The following GALK1 variants were observed in gnomAD, a reference collection of about 807,000 sequenced individuals.
GALK1 encodes galactokinase.
Under a neutral mutation model 38.6 loss-of-function variants are expected in GALK1, and 30 were observed. The observed-to-expected ratio is 0.78, with a 90% confidence interval of 0.58 to 1.05. The LOEUF is 1.05. Among genes scored for constraint, GALK1 ranks in the 50% least tolerant of loss-of-function variants. GALK1 has a pLI of 0.00. For missense variants in GALK1, 512 were observed against 540.5 expected, an observed-to-expected ratio of 0.95 and a Z score of 0.52; for synonymous variants, 240 against 233.6, an observed-to-expected ratio of 1.03 and a Z score of -0.25.
downstream of GALK1, chr17:75,756,876 G>C (rs763409306): frequency 6.2e-7 from 1 of 1,612,290 alleles, no homozygotes; most frequent in Middle Eastern, 1.8e-4. Flanking sequence ...CCCACCCCGG[G>C]GGCAGGAGTG....
chr17:75,757,869 AG>A, downstream of GALK1: 1 of 709,604 alleles, frequency 1.4e-6, no homozygotes, highest in Non-Finnish European at 2.4e-6. Context: ...CCCCTAGGGT[AG>A]GGGAGCGGTT....
Position 75,765,032 on chromosome 17 carries a change from C to A in GALK1, c.105G>T (p.Pro35=). The change falls in exon 1 of 8, where the codon CCG becomes CCT. Residue 35 remains proline, a synonymous_variant. Coordinates refer to ENST00000588479, the MANE Select transcript of GALK1 (RefSeq NM_000154.2). ...GAEPELAVSA[P]GRVNLIGEHT... ...GTTCCCCGATGAGGTTGACGCGGCCCGGCGCTGACACGGCCAGCTCGGGCT... is the reference window on the plus strand; with the variant it reads ...GTTCCCCGATGAGGTTGACGCGGCCAGGCGCTGACACGGCCAGCTCGGGCT... The A allele has an allele frequency of 6.2e-7, 1 of 1,609,784 alleles. No individual in the cohort carries two copies.
Position 75,758,391 on chromosome 17 carries a change from A to G in GALK1, c.945-19T>C. The G allele has an allele frequency of 1.3e-6, 2 of 1,583,662 alleles. No individual in the cohort carries two copies. The highest frequency in any genetic ancestry group is 2.3e-5 in the East Asian group (1 of 43,688). ...GTCGTCTCTGCAGAGAGGATATTGA[A>G]GGGGTGGGCCTGGGCCGGCCTGTGC... On this transcript the variant is annotated intron_variant, in intron 6 of 7. Coordinates refer to ENST00000588479, the MANE Select transcript of GALK1 (RefSeq NM_000154.2).
downstream of GALK1, chr17:75,756,982 A>G: frequency 1.2e-6 from 2 of 1,612,808 alleles, no homozygotes; most frequent in Non-Finnish European, 1.7e-6. Context: ...GACAGCCCCG[A>G]GAGCCGGCTG....
At position 75,752,245 on chromosome 17, in the gene GALK1, C is replaced by T. The variant is rs200409597; in HGVS notation, c.*23-508G>A. ...CCGGATGCTGCTTATTGAGAACCTT[C>T]GGGAGTCCCAGCCCTACCGCTACAC... On this transcript the variant is annotated intron_variant, in intron 8 of 8. Coordinates refer to the GALK1 transcript ENST00000225614. The T allele has an allele frequency of 1.9e-6, 3 of 1,613,676 alleles. No individual in the cohort carries two copies. Among genetic ancestry groups the T allele is most frequent in the Non-Finnish European group, 2.5e-6 (3 of 1,180,020 alleles).
downstream of GALK1, among the ~76,000 whole-genome samples, chr17:75,754,136 AG>A (rs1388424649): frequency 6.6e-6 from 1 of 152,112 alleles, no homozygotes; most frequent in Admixed American, 6.5e-5. Flanking sequence ...GCCCAGTGCC[AG>A]GGGACGCGTG....
intron 8 of GALK1, chr17:75,752,597 C>T (rs1036727526): frequency 6.2e-7 from 1 of 1,613,088 alleles, no homozygotes; most frequent in Non-Finnish European, 8.5e-7. Flanking sequence ...GACCTGGGAC[C>T]CACAAGAGGA....
downstream of GALK1, chr17:75,755,140 G>T: frequency 6.2e-7 from 1 of 1,611,678 alleles, no homozygotes; most frequent in East Asian, 2.2e-5. Context: ...AGATGAAAGG[G>T]TTCCCCCCTT....
Position 75,763,973 on chromosome 17 carries a change from G to A in GALK1, c.279C>T (p.Pro93=). The change falls in exon 2 of 8, where the codon CCC becomes CCT. Residue 93 remains proline (P), a synonymous_variant. Transcript: ENST00000588479. Reference sequence around the variant, plus strand: ...CAGGCTCCAGCGAGCGCTGGGCTGTGGGCAGTGGAAACTGCAGCCGCTGGG... The same window carrying A: ...CAGGCTCCAGCGAGCGCTGGGCTGTAGGCAGTGGAAACTGCAGCCGCTGGG... ...DEPQRLQFPL[P]TAQRSLEPGT... 1 of 1,613,024 alleles carries A rather than the reference G, an allele frequency of 6.2e-7. No individual in the cohort carries two copies. Among genetic ancestry groups the A allele is most frequent in the Non-Finnish European group, 8.5e-7 (1 of 1,179,892 alleles).
At chr17:75,752,009 C>T (rs577529944) in intron 8 of GALK1, among the ~76,000 whole-genome samples, 3 of 152,326 alleles carry the variant, frequency 2.0e-5, no homozygotes, top group East Asian at 1.9e-4. Context: ...GTCATGCTGA[C>T]GCTCAGGGCT....
chr17:75,762,582 G>C, intron 5 of GALK1, 122 bp downstream of exon 5: 3 of 1,047,094 alleles, frequency 2.9e-6, no homozygotes, highest in Non-Finnish European at 4.4e-6. Context: ...GTGTTTGAAG[G>C]GACTGGGGAG....
downstream of GALK1, among the ~76,000 whole-genome samples, chr17:75,753,327 C>A (rs549018426): frequency 2.3e-3 from 350 of 152,330 alleles, 2 homozygotes; most frequent in Non-Finnish European, 3.1e-3. Flanking sequence ...CCCAGCTCAG[C>A]TGCTTCTAAC....
At chr17:75,763,772 G>A in intron 2 of GALK1, 125 bp downstream of exon 2, 1 of 1,015,574 alleles carries the variant, frequency 9.8e-7, no homozygotes, top group Non-Finnish European at 1.5e-6. Context: ...TTCCTCATCT[G>A]TACAATGGGA....
downstream of GALK1, chr17:75,756,700 C>G: frequency 6.2e-7 from 1 of 1,613,464 alleles, no homozygotes; most frequent in East Asian, 2.2e-5. Flanking sequence ...TCTACTGCCC[C>G]CAGGCTCCGC....
At chr17:75,751,695 C>T (rs770875365) in exon 9 of GALK1, 5 of 221,590 alleles carry the variant, frequency 2.3e-5, no homozygotes, top group African/African-American at 4.7e-5. Flanking sequence ...GAACCGAGAT[C>T]GTGTTACCGC....
intron 8 of GALK1, chr17:75,752,281 C>A (rs762850116): frequency 1.2e-6 from 2 of 1,613,382 alleles, no homozygotes; most frequent in South Asian, 1.1e-5. Context: ...GGTGAAGGCG[C>A]GCAACGGGGC....
chr17:75,757,178 C>G (rs755482547), downstream of GALK1: 34 of 1,612,444 alleles, frequency 2.1e-5, no homozygotes, highest in African/African-American at 4.0e-5. Context: ...CACCCTCTGA[C>G]TGGCCTATCT....
chr17:75,754,991 C>T (rs1027272515), downstream of GALK1: 132 of 1,539,108 alleles, frequency 8.6e-5, no homozygotes, highest in African/African-American at 4.1e-4. Context: ...GACATGCATG[C>T]GCACACGTAC....
downstream of GALK1, chr17:75,756,496 C>T (rs1479099675): frequency 6.2e-7 from 1 of 1,613,280 alleles, no homozygotes; most frequent in African/African-American, 1.3e-5. Context: ...ACCTCCTGCC[C>T]AACCACTCCT....
Sources: allele counts gnomAD v4.1 joint callset (sites outside exome capture counted in the v4.1 genomes callset), GRCh38; gene constraint gnomAD v4.1.1; transcripts MANE v1.5; gene names NCBI Gene and HGNC (gene_info 2026-07-23, HGNC 2026-07-21).